Variants in MYADML2 observed in about 807,000 individuals in gnomAD.
The protein encoded by MYADML2 is myeloid associated differentiation marker like 2.
A neutral mutation model predicts 16.0 loss-of-function variants in MYADML2; 17 were observed. The ratio of observed to expected loss-of-function variants is 1.06; its 90% CI spans 0.73 to 1.60. MYADML2 has a LOEUF of 1.60. Among genes scored for constraint, MYADML2 ranks in the 40% most tolerant of loss-of-function variants. The pLI, the probability that MYADML2 is intolerant of heterozygous loss-of-function variation, is 0.00. For synonymous variants in MYADML2, 210 were observed against 208.1 expected (o/e 1.01, Z -0.08); for missense variants, 422 against 437.7 (o/e 0.96, Z 0.32).
Position 81,941,609 on chromosome 17 carries a change from C to T in MYADML2, c.133G>A (p.Gly45Ser). Residue 45 changes from glycine to serine, a missense_variant, in exon 3 of 3, where the codon GGC (glycine) becomes AGC (serine). Physicochemically the swap from Gly to Ser is moderately conservative, Grantham distance 56 (BLOSUM62 0). Coordinates refer to ENST00000409745, the MANE Select transcript of MYADML2 (RefSeq NM_001145113.3). ...AAGGTGCCCTGGACGCCCGCAAAGC[C>T]ACCCCGGTGGGCCACCAGGCTGAAG... ...TTFSLVAHRG[G>S]FAGVQGTFCM... The T allele has an allele frequency of 6.5e-7, 1 of 1,549,016 alleles. No individual in the cohort carries two copies. The highest frequency in any genetic ancestry group is 1.4e-5 in the African/African-American group (1 of 73,178).
In MYADML2 at chr17:81,941,083, G is replaced by A. The variant is rs1355496772; in HGVS notation, c.659C>T (p.Thr220Ile). The A allele has an allele frequency of 1.3e-6, 2 of 1,550,386 alleles. No homozygotes were observed. The highest frequency in any genetic ancestry group is 1.2e-5 in the South Asian group (1 of 84,066). The part of the protein sequence containing the change: ...AVVALSVMGH[T>I]GGLGCPFDRL... ...GTCAAAGGGGCAGCCCAGGCCCCCT[G>A]TGTGGCCCATCACACTCAGGGCCAC... is the stretch of plus-strand genomic sequence containing the variant. Residue 220 changes from threonine to isoleucine, a missense_variant, in exon 3 of 3, where the codon ACA becomes ATA. Transcript: ENST00000409745.
chr17:81,940,990 A>G lies in MYADML2; in HGVS notation c.752T>C (p.Val251Ala). The change falls in exon 3 of 3, where the codon GTC becomes GCC. Residue 251 changes from valine (V) to alanine (A), a missense_variant. Physicochemically the swap from Val to Ala is moderately conservative, Grantham distance 64. Transcript: ENST00000409745. ...ACCGTACTTGGGATCGAAACAGAAG[A>G]CTGGCCAGATCACGGCGGCGCTGAG... ...LYLSAAVIWP[V>A]FCFDPKYGEP... 1 of 1,550,540 alleles carries G rather than the reference A, an allele frequency of 6.4e-7. No homozygotes were observed. Among genetic ancestry groups the G allele is most frequent in the African/African-American group, 1.4e-5 (1 of 73,122 alleles).
chr17:81,941,933 A>C, intron 2 of MYADML2, 90 bp from the exon 3 acceptor site: 1 of 540,644 alleles, frequency 1.8e-6, no homozygotes, highest in Non-Finnish European at 3.2e-6. Flanking sequence ...ATAAATAGAC[A>C]GCCGTGATCA....
chr17:81,945,375 T>A (rs1439021147), intron 1 of MYADML2, among the ~76,000 whole-genome samples: 1 of 151,688 alleles, frequency 6.6e-6, no homozygotes, highest in Admixed American at 6.6e-5. Flanking sequence ...CCATCTCTAC[T>A]AAAAATACAA....
Position 81,947,109 on chromosome 17 carries a change from T to C in MYADML2, c.-231A>G, listed in dbSNP as rs1313354779. The C allele has an allele frequency of 6.6e-6, 1 of 152,228 alleles. No homozygotes were observed. Among genetic ancestry groups the C allele is most frequent in the African/African-American group, 2.4e-5 (1 of 41,464 alleles). 9.4% of individuals were successfully genotyped at this position (152,228 alleles called of 1,614,324 possible). A position where few individuals can be genotyped will look rare whatever the true frequency, so the allele number is the denominator to read the frequency against. ...GATTTAAGTCCAGAGGAGGGGGTTATATGCAAATAACATGCCATTTTGTAT... is the reference window on the plus strand; with the variant it reads ...GATTTAAGTCCAGAGGAGGGGGTTACATGCAAATAACATGCCATTTTGTAT... On this transcript the variant is annotated 5_prime_UTR_variant, in exon 1 of 3. It adds an upstream start codon to the 5' untranslated region. Coordinates refer to ENST00000409745, the MANE Select transcript of MYADML2 (RefSeq NM_001145113.3).
chr17:81,943,081 T>G (rs1205823574), intron 1 of MYADML2, among the ~76,000 whole-genome samples: 2 of 152,108 alleles, frequency 1.3e-5, no homozygotes, highest in Non-Finnish European at 2.9e-5. Flanking sequence ...TATCTTTTTT[T>G]TTTTTTGAGA....
At chr17:81,945,701 CAAAAAAA>C (rs993338502) in intron 1 of MYADML2, among the ~76,000 whole-genome samples, 2 of 119,266 alleles carry the variant, frequency 1.7e-5, no homozygotes. Context: ...GACTCCATCT[CAAAAAAA>C]AAAAAAAAAT....
chr17:81,943,397 T>C (rs574119313), intron 1 of MYADML2, among the ~76,000 whole-genome samples: 2 of 149,156 alleles, frequency 1.3e-5, no homozygotes, highest in South Asian at 2.1e-4. Context: ...CTAATTTTTT[T>C]TTCTTTTTTT....
chr17:81,941,002 A>T lies in MYADML2; in HGVS notation c.740T>A (p.Val247Glu), dbSNP rs1408824305. ...ATCGAAACAGAAGACTGGCCAGATCACGGCGGCGCTGAGGTACAGGAGCAC... is the reference window on the plus strand; with the variant it reads ...ATCGAAACAGAAGACTGGCCAGATCTCGGCGGCGCTGAGGTACAGGAGCAC... The part of the protein sequence containing the change: ...LAVLLYLSAA[V>E]IWPVFCFDPK... The change falls in exon 3 of 3, where the codon GTG becomes GAG. Residue 247 changes from valine (V) to glutamate (E), a missense_variant. Transcript: ENST00000409745. 1 of 1,550,564 alleles carries T rather than the reference A, an allele frequency of 6.4e-7. No homozygotes were observed. The highest frequency in any genetic ancestry group is 8.7e-7 in the Non-Finnish European group (1 of 1,146,974).
At chr17:81,946,376 C>T (rs555874180) in intron 1 of MYADML2, among the ~76,000 whole-genome samples, 62 of 149,548 alleles carry the variant, frequency 4.1e-4, no homozygotes, top group East Asian at 1.0e-3. Context: ...AGGCCGGGCG[C>T]GGTGGCTCAT....
At position 81,945,496 on chromosome 17, in the gene MYADML2, G is replaced by A. The variant is rs548715506; in HGVS notation, c.-181+1563C>T. Among the ~76,000 whole-genome samples, 30 of 151,654 alleles carry A rather than the reference G, an allele frequency of 2.0e-4. No homozygotes were observed. In the East Asian group the frequency reaches 5.6e-3, roughly 28 times the overall value. On this transcript the variant is annotated intron_variant, in intron 1 of 2. Coordinates refer to ENST00000409745, the MANE Select transcript of MYADML2 (RefSeq NM_001145113.3). ...AGAGCTTGCAGTGAGCCAAGATAGT[G>A]CCACTGCACTCCAGCCTGGGCAACA...
At chr17:81,945,135 T>A (rs1375460813) in intron 1 of MYADML2, among the ~76,000 whole-genome samples, 1 of 151,776 alleles carries the variant, frequency 6.6e-6, no homozygotes, top group Non-Finnish European at 1.5e-5. Flanking sequence ...GCGCAGTAGG[T>A]CACGCCTGTC....
At chr17:81,943,774 T>C (rs543225438) in intron 1 of MYADML2, among the ~76,000 whole-genome samples, 2 of 152,158 alleles carry the variant, frequency 1.3e-5, no homozygotes, top group Non-Finnish European at 2.9e-5. Flanking sequence ...GAACATCTTC[T>C]GGTATATCCT....
chr17:81,941,778 A>G lies in MYADML2; in HGVS notation c.-37T>C. On this transcript the variant is annotated 5_prime_UTR_variant, in exon 3 of 3. Coordinates refer to ENST00000409745, the MANE Select transcript of MYADML2 (RefSeq NM_001145113.3). ...CGTTTCCAGCTCACACAGTCCCCCA[A>G]GGCCCTGGGGTCCCTGCTGGGCCAA... 1.4e-6 allele frequency: 2 copies of G among 1,470,368 alleles called. No homozygotes were observed. The highest frequency in any genetic ancestry group is 1.8e-6 in the Non-Finnish European group (2 of 1,106,400). The allele number at this position is 1,470,368 out of a possible 1,614,324, so 91.1% of individuals were successfully genotyped here.
chr17:81,944,700 CTA>C (rs1449101952), intron 1 of MYADML2, among the ~76,000 whole-genome samples: 1 of 152,256 alleles, frequency 6.6e-6, no homozygotes, highest in East Asian at 1.9e-4. Context: ...GTGGCAGCTA[CTA>C]TGTGATCAGA....
At chr17:81,946,605 G>A (rs1214110973) in intron 1 of MYADML2, among the ~76,000 whole-genome samples, 13 of 152,066 alleles carry the variant, frequency 8.5e-5, no homozygotes, top group Non-Finnish European at 1.3e-4. Context: ...CCGAGATCGC[G>A]CCACTGCACT....
Position 81,940,597 on chromosome 17 carries a change from C to T in MYADML2, c.*221G>A. ...GTTGGGGATTGGCCTAGGTGAGGCT[C>T]TCCCCTGCGTCTGCTCAGGGCCTCT... On this transcript the variant is annotated 3_prime_UTR_variant, in exon 3 of 3. Coordinates refer to ENST00000409745, the MANE Select transcript of MYADML2 (RefSeq NM_001145113.3). The T allele has an allele frequency of 1.9e-6, 1 of 536,870 alleles. No homozygotes were observed. The highest frequency in any genetic ancestry group is 3.3e-6 in the Non-Finnish European group (1 of 304,890). The allele number at this position is 536,870 out of a possible 1,614,324, so 33.3% of individuals were successfully genotyped here.
At chr17:81,943,093 G>A (rs367745100) in intron 1 of MYADML2, among the ~76,000 whole-genome samples, 18 of 149,028 alleles carry the variant, frequency 1.2e-4, no homozygotes, top group African/African-American at 3.2e-4. Context: ...TTTTTGAGAC[G>A]GAGTCTTGCT....
rs2041305885 is a variant in MYADML2 at position 81,941,658 on chromosome 17, C to T, written c.84G>A (p.Leu28=). 13 of 1,549,636 alleles carry T rather than the reference C, an allele frequency of 8.4e-6. No homozygotes were observed. The highest frequency in any genetic ancestry group is 1.1e-5 in the Non-Finnish European group (13 of 1,146,768). Residue 28 remains leucine (L), a synonymous_variant, in exon 3 of 3, where the codon CTG becomes CTA. Transcript: ENST00000409745. ...VTSPVGTARV[L]QLAFGCTTFS... ...AGGTAGTGCAGCCAAAGGCCAGCTGCAGCACGCGGGCTGTGCCCACAGGGG... is the reference window on the plus strand; with the variant it reads ...AGGTAGTGCAGCCAAAGGCCAGCTGTAGCACGCGGGCTGTGCCCACAGGGG...
Sources: allele counts gnomAD v4.1 joint callset (sites outside exome capture counted in the v4.1 genomes callset), GRCh38; gene constraint gnomAD v4.1.1; transcripts MANE v1.5; gene names NCBI Gene and HGNC (gene_info 2026-07-23, HGNC 2026-07-21).